The following SLC38A4 variants were observed in gnomAD, a reference collection of about 807,000 sequenced individuals.
SLC38A4 encodes the protein solute carrier family 38 member 4, also known as sodium-coupled neutral amino acid transporter 4.
In SLC38A4, 20 loss-of-function variants were observed where a neutral mutation model predicts 63.1. The observed-to-expected ratio is 0.32, with a 90% CI of 0.22 to 0.46. The LOEUF is 0.46. Among genes scored for constraint, SLC38A4 ranks in the 20% least tolerant of loss-of-function variants. SLC38A4 has a pLI of 1.00. For synonymous variants in SLC38A4, 230 were observed against 225.5 expected, an observed-to-expected ratio of 1.02 and a Z score of -0.18; for missense variants, 526 against 663.6, an observed-to-expected ratio of 0.79 and a Z score of 2.28.
At chr12:46,827,953 G>C (rs1592201552), upstream of SLC38A4, among the ~76,000 whole-genome samples, 1 of 152,222 alleles carries the variant, frequency 6.6e-6, no homozygotes, top group African/African-American at 2.4e-5. Flanking sequence ...GTTAGCACAG[G>C]TAACTTTCAA....
intron 2 of SLC38A4, among the ~76,000 whole-genome samples, chr12:46,799,371 G>A (rs1450303019): frequency 6.6e-6 from 1 of 152,208 alleles, no homozygotes. Flanking sequence ...GGAGGCTGAG[G>A]AGGGTCTATC....
At chr12:46,766,906 A>G in intron 16 of SLC38A4, 104 bp from the exon 17 acceptor site, 3 of 716,530 alleles carry the variant, frequency 4.2e-6, no homozygotes, top group Non-Finnish European at 7.0e-6. Context: ...ATATTGAGCC[A>G]TATTATTCTT....
intron 1 of SLC38A4, among the ~76,000 whole-genome samples, chr12:46,813,055 A>G (rs773932026): frequency 5.3e-5 from 8 of 151,972 alleles, no homozygotes; most frequent in Non-Finnish European, 1.0e-4. Flanking sequence ...TTATGCACCC[A>G]GAATGGTTGA....
intron 14 of SLC38A4, among the ~76,000 whole-genome samples, chr12:46,772,327 A>G (rs1938435905): frequency 6.6e-6 from 1 of 152,110 alleles, no homozygotes; most frequent in African/African-American, 2.4e-5. Context: ...CATAAGTGAA[A>G]AGACTGATTT....
chr12:46,813,463 A>G (rs1939378586), intron 1 of SLC38A4, among the ~76,000 whole-genome samples: 1 of 151,992 alleles, frequency 6.6e-6, no homozygotes. Context: ...TTCAAACTCA[A>G]GGATTCGGAT....
chr12:46,809,071 T>A (rs1025271318), intron 1 of SLC38A4, among the ~76,000 whole-genome samples: 1 of 152,034 alleles, frequency 6.6e-6, no homozygotes, highest in Admixed American at 6.6e-5. Flanking sequence ...TTGATGCATT[T>A]TGATTTTGTA....
In SLC38A4 at chr12:46,793,198, CA is replaced by C. The variant is rs1414855475; in HGVS notation, c.-112-16del. ...AACACTCTGTTCTGCAAACAGAACA[CA>C]ACATACATCATTATAATTTTATTTA... is the stretch of plus-strand genomic sequence containing the variant. On this transcript the variant is annotated splice_polypyrimidine_tract_variant and intron_variant, in intron 2 of 16. Coordinates refer to ENST00000266579, the MANE Select transcript of SLC38A4 (RefSeq NM_018018.5). The C allele has an allele frequency of 5.1e-6, 3 of 587,170 alleles. No homozygotes were observed. Among genetic ancestry groups the C allele is most frequent in the Non-Finnish European group, 6.1e-6 (2 of 328,664 alleles). The allele number at this position is 587,170 out of a possible 1,614,324, so 36.4% of individuals were successfully genotyped here.
At chr12:46,785,519 A>G (rs954708578) in intron 5 of SLC38A4, among the ~76,000 whole-genome samples, 3 of 152,074 alleles carry the variant, frequency 2.0e-5, no homozygotes, top group Non-Finnish European at 4.4e-5. Context: ...TCATATTTGC[A>G]TGATATTCAC....
At chr12:46,772,133 TAA>T (rs372169654) in intron 14 of SLC38A4, among the ~76,000 whole-genome samples, 72 of 131,446 alleles carry the variant, frequency 5.5e-4, no homozygotes, top group South Asian at 1.5e-3. Context: ...TTCTAACTCT[TAA>T]AAAAAAAAAA....
At chr12:46,811,052 TA>T (rs1939331348) in intron 1 of SLC38A4, among the ~76,000 whole-genome samples, 1 of 152,074 alleles carries the variant, frequency 6.6e-6, no homozygotes. Flanking sequence ...GGGCATATAA[TA>T]TTTTTTACAA....
intron 3 of SLC38A4, among the ~76,000 whole-genome samples, chr12:46,790,883 C>A (rs1296063030): frequency 6.6e-6 from 1 of 151,460 alleles, no homozygotes; most frequent in East Asian, 1.9e-4. Flanking sequence ...AGGGTTCAAT[C>A]CAAACCACAC....
At chr12:46,772,644 A>G (rs1180310959) in intron 14 of SLC38A4, among the ~76,000 whole-genome samples, 1 of 152,108 alleles carries the variant, frequency 6.6e-6, no homozygotes, top group Non-Finnish European at 1.5e-5. Flanking sequence ...AAATACTACA[A>G]GCAGTTACTA....
rs780222960 is a variant in SLC38A4, at chr12:46,823,270, T to C, written c.-305+2633A>G. Among the ~76,000 whole-genome samples the C allele has an allele frequency of 5.1e-4, 78 of 152,154 alleles. 2 individuals carry two copies. Among genetic ancestry groups the C allele is most frequent in the Non-Finnish European group, 3.2e-4 (22 of 68,024 alleles). ...AGAAGTGTTCATTCCCTCAAGTTTA[T>C]AGGATTAAATTATCTGCCCTGCCCA... is the stretch of plus-strand genomic sequence containing the variant. On this transcript the variant is annotated intron_variant, in intron 1 of 16. Transcript: ENST00000266579.
chr12:46,772,153 C>A (rs1938431481), intron 14 of SLC38A4, among the ~76,000 whole-genome samples: 1 of 150,224 alleles, frequency 6.7e-6, no homozygotes, highest in Non-Finnish European at 1.5e-5. Context: ...AAAAAAGCCT[C>A]TCCCATTGTT....
At chr12:46,782,974 C>T (rs1938673799) in intron 7 of SLC38A4, among the ~76,000 whole-genome samples, 1 of 139,976 alleles carries the variant, frequency 7.1e-6, no homozygotes, top group Non-Finnish European at 1.5e-5. Flanking sequence ...CTAGTATTTA[C>T]CAGTCTAGAG....
chr12:46,787,893 T>C, intron 5 of SLC38A4, 23 bp downstream of exon 5: 1 of 1,555,818 alleles, frequency 6.4e-7, no homozygotes. Context: ...CATCACCAAA[T>C]GTAGACATAT....
intron 14 of SLC38A4, among the ~76,000 whole-genome samples, chr12:46,769,724 T>G (rs1180486415): frequency 6.6e-6 from 1 of 152,102 alleles, no homozygotes; most frequent in African/African-American, 2.4e-5. Flanking sequence ...TTACAGTAGC[T>G]TTTCTACGTT....
intron 2 of SLC38A4, among the ~76,000 whole-genome samples, chr12:46,797,111 G>A (rs1006622678): frequency 2.6e-5 from 4 of 152,032 alleles, no homozygotes; most frequent in South Asian, 2.1e-4. Flanking sequence ...CTTCCTTAAA[G>A]CTAGATCCTA....
intron 5 of SLC38A4, 128 bp downstream of exon 5, chr12:46,787,788 C>A: frequency 1.6e-6 from 1 of 624,154 alleles, no homozygotes; most frequent in Non-Finnish European, 2.7e-6. Flanking sequence ...GGTTGGGTGA[C>A]CAAGTGCCAT....
Sources: allele counts gnomAD v4.1 joint callset (sites outside exome capture counted in the v4.1 genomes callset), GRCh38; gene constraint gnomAD v4.1.1; transcripts MANE v1.5; gene names NCBI Gene and HGNC (gene_info 2026-07-23, HGNC 2026-07-21).